NRG1: variants seen among roughly 807,000 people sequenced by gnomAD.
NRG1 encodes pro-neuregulin-1, membrane-bound isoform.
A neutral mutation model predicts 63.8 loss-of-function variants in NRG1; 18 were observed. The ratio of observed to expected loss-of-function variants is 0.28; its 90% CI spans 0.19 to 0.42. The LOEUF is 0.42. Among genes scored for constraint, NRG1 ranks in the 10% least tolerant of loss-of-function variants. NRG1 has a pLI of 1.00. For missense variants in NRG1, 762 were observed against 814.7 expected (o/e 0.94, Z 0.79); for synonymous variants, 302 against 301.3 (o/e 1.00, Z -0.02).
intron 1 of NRG1, among the ~76,000 whole-genome samples, chr8:31,688,824 T>G (rs1307151942): frequency 6.6e-6 from 1 of 152,230 alleles, no homozygotes; most frequent in East Asian, 1.9e-4. Context: ...TAACAAATTA[T>G]CACACATTTG....
chr8:32,478,259 C>G (rs1824782038), intron 1 of NRG1, among the ~76,000 whole-genome samples: 1 of 95,854 alleles, frequency 1.0e-5, no homozygotes, highest in African/African-American at 3.9e-5. Flanking sequence ...TGGGCTTCTT[C>G]CATGTGGGGG....
intron 1 of NRG1, among the ~76,000 whole-genome samples, chr8:32,444,026 TTTCC>T (rs150338438): frequency 0.27 from 41,017 of 149,618 alleles, 5,995 homozygotes; most frequent in South Asian, 0.34. Context: ...CTTTCTTTCT[TTTCC>T]TTCCTTCCTT....
chr8:32,472,015 C>T (rs956783003), intron 1 of NRG1, among the ~76,000 whole-genome samples: 1 of 152,176 alleles, frequency 6.6e-6, no homozygotes, highest in South Asian at 2.1e-4. Flanking sequence ...CACTCTCTCC[C>T]TCACAACCAC....
chr8:32,310,922 A>G (rs1194602107), intron 1 of NRG1, among the ~76,000 whole-genome samples: 2 of 152,184 alleles, frequency 1.3e-5, no homozygotes, highest in African/African-American at 4.8e-5. Context: ...TACCTGGAAC[A>G]TCTTGGTTCA....
intron 1 of NRG1, among the ~76,000 whole-genome samples, chr8:32,175,085 A>G (rs1436278707): frequency 6.6e-6 from 1 of 152,202 alleles, no homozygotes; most frequent in Non-Finnish European, 1.5e-5. Context: ...ATCCTCAGTA[A>G]AATACTAGCA....
At chr8:31,911,850 G>A (rs1432502137) in intron 1 of NRG1, among the ~76,000 whole-genome samples, 1 of 152,186 alleles carries the variant, frequency 6.6e-6, no homozygotes, top group Non-Finnish European at 1.5e-5. Flanking sequence ...CTCTTGATTT[G>A]TGAAGATTTC....
intron 1 of NRG1, among the ~76,000 whole-genome samples, chr8:32,482,240 TA>T (rs1825382448): frequency 6.6e-6 from 1 of 152,104 alleles, no homozygotes; most frequent in Admixed American, 6.5e-5. Context: ...TTTGTTAAAA[TA>T]CTGTCACTAT....
chr8:31,864,739 A>C (rs949858236), intron 1 of NRG1, among the ~76,000 whole-genome samples: 2 of 152,202 alleles, frequency 1.3e-5, no homozygotes. Context: ...TGTGAGGGTC[A>C]GAAGAACTGG....
chr8:32,768,368 C>A (rs1831579094), downstream of NRG1, among the ~76,000 whole-genome samples: 1 of 152,176 alleles, frequency 6.6e-6, no homozygotes, highest in African/African-American at 2.4e-5. Flanking sequence ...AAAATGCTCT[C>A]ATGGTTCAAA....
intron 1 of NRG1, among the ~76,000 whole-genome samples, chr8:31,919,012 G>T (rs111802179): frequency 0.2 from 30,378 of 152,054 alleles, 3,418 homozygotes; most frequent in Non-Finnish European, 0.24. Flanking sequence ...AGTATTATCT[G>T]ATGGTAGTTT....
chr8:32,365,122 A>T (rs577974611), intron 1 of NRG1, among the ~76,000 whole-genome samples: 1 of 151,912 alleles, frequency 6.6e-6, no homozygotes, highest in Non-Finnish European at 1.5e-5. Flanking sequence ...TCCTGAGCTC[A>T]TGCAGTCTAC....
At chr8:31,834,594 C>T (rs1825523912) in intron 1 of NRG1, among the ~76,000 whole-genome samples, 1 of 152,046 alleles carries the variant, frequency 6.6e-6, no homozygotes, top group Non-Finnish European at 1.5e-5. Flanking sequence ...GCCTGCAGTC[C>T]CTGCTGCTCT....
At chr8:31,748,819 TGA>T (rs1264293356) in intron 1 of NRG1, among the ~76,000 whole-genome samples, 1 of 151,856 alleles carries the variant, frequency 6.6e-6, no homozygotes, top group Non-Finnish European at 1.5e-5. Flanking sequence ...GTCTAATCCC[TGA>T]GAGTAACCCA....
intron 11 of NRG1, chr8:32,760,806 G>C (rs1160678075): frequency 9.8e-6 from 10 of 1,019,298 alleles, no homozygotes; most frequent in Non-Finnish European, 1.2e-5. Context: ...ACTCTGATTC[G>C]GTGGTCGAGC....
chr8:31,861,719 C>T (rs1397819860), intron 1 of NRG1, among the ~76,000 whole-genome samples: 3 of 152,090 alleles, frequency 2.0e-5, no homozygotes, highest in Non-Finnish European at 2.9e-5. Context: ...CTTCTTCTTC[C>T]CCTTGATAGG....
intron 1 of NRG1, among the ~76,000 whole-genome samples, chr8:32,070,033 T>C (rs910594786): frequency 1.3e-5 from 2 of 152,212 alleles, no homozygotes; most frequent in African/African-American, 2.4e-5. Context: ...TCTACTCAAA[T>C]AGTATCTTTA....
At chr8:31,840,312 T>C (rs1465390890) in intron 1 of NRG1, among the ~76,000 whole-genome samples, 2 of 148,946 alleles carry the variant, frequency 1.3e-5, no homozygotes, top group African/African-American at 2.5e-5. Flanking sequence ...ATAAATCATC[T>C]GTGAAGAAGG....
chr8:31,787,637 T>G (rs186648341), intron 1 of NRG1, among the ~76,000 whole-genome samples: 1 of 152,360 alleles, frequency 6.6e-6, no homozygotes, highest in African/African-American at 2.4e-5. Context: ...TTAATAATTC[T>G]AATATTGTTA....
intron 1 of NRG1, among the ~76,000 whole-genome samples, chr8:31,827,952 G>C (rs1824733360): frequency 6.6e-6 from 1 of 152,194 alleles, no homozygotes; most frequent in South Asian, 2.1e-4. Context: ...AGAAATGAGG[G>C]TGTGTCCCAG....
Sources: gnomAD v4.1 joint callset for allele counts (sites outside exome capture counted in the v4.1 genomes callset) on GRCh38, gnomAD v4.1.1 for gene constraint, MANE v1.5 for transcripts, NCBI Gene and HGNC (gene_info 2026-07-23, HGNC 2026-07-21) for gene names.